The following UVSSA variants were observed in gnomAD, a reference collection of about 807,000 sequenced individuals.
UVSSA encodes the protein UV-stimulated scaffold protein A.
Under a neutral mutation model 73.9 loss-of-function variants are expected in UVSSA, and 72 were observed. The ratio of observed to expected loss-of-function variants is 0.97; its 90% CI spans 0.81 to 1.19. The LOEUF is 1.19. Among genes scored for constraint, UVSSA ranks in the 50% most tolerant of loss-of-function variants. The pLI is 0.00. For missense variants in UVSSA, 1,150 were observed against 965.0 expected, an observed-to-expected ratio of 1.19 and a Z score of -2.54; for synonymous variants, 454 against 391.3, an observed-to-expected ratio of 1.16 and a Z score of -1.89.
chr4:1,350,208 G>A (rs1714483090), intron 3 of UVSSA, among the ~76,000 whole-genome samples: 1 of 152,150 alleles, frequency 6.6e-6, no homozygotes. Flanking sequence ...CCTGGACTCT[G>A]GGACCTGTCC....
exon 14 of UVSSA, chr4:1,394,645 G>A (rs1181189228): frequency 6.6e-7 from 1 of 1,509,712 alleles, no homozygotes; most frequent in African/African-American, 1.5e-5. Flanking sequence ...GTGCCCGCCT[G>A]CTCACACATG....
At chr4:1,380,365 A>T (rs949130043) in intron 11 of UVSSA, 135 bp downstream of exon 11, 1 of 1,203,992 alleles carries the variant, frequency 8.3e-7, no homozygotes, top group African/African-American at 1.5e-5. Flanking sequence ...GAAGGGGCTT[A>T]TCCGTGGTGG....
At chr4:1,345,905 G>A (rs933229961), upstream of UVSSA, among the ~76,000 whole-genome samples, 7 of 152,176 alleles carry the variant, frequency 4.6e-5, no homozygotes, top group Non-Finnish European at 7.3e-5. Context: ...AAGACAGAGG[G>A]AAACTGCTGG....
chr4:1,344,719 G>C (rs544609002), upstream of UVSSA, among the ~76,000 whole-genome samples: 1 of 152,176 alleles, frequency 6.6e-6, no homozygotes, highest in African/African-American at 2.4e-5. Context: ...AGAAAAAAGC[G>C]AATCACCTAG....
At chr4:1,372,957 T>G (rs562922603) in intron 8 of UVSSA, among the ~76,000 whole-genome samples, 276 of 151,666 alleles carry the variant, frequency 1.8e-3, no homozygotes, top group Non-Finnish European at 3.4e-3. Flanking sequence ...GGCTTTTCTT[T>G]GTGACTACTG....
At chr4:1,351,460 A>G (rs991337543) in intron 3 of UVSSA, among the ~76,000 whole-genome samples, 8 of 147,168 alleles carry the variant, frequency 5.4e-5, no homozygotes, top group Non-Finnish European at 1.5e-5. Flanking sequence ...ATCTTGGCTC[A>G]CTGCAAGCTC....
chr4:1,385,222 C>T (rs1404918887), intron 13 of UVSSA: 1 of 153,684 alleles, frequency 6.5e-6, no homozygotes, highest in African/African-American at 2.4e-5. Flanking sequence ...TGACCACAGG[C>T]AAAACCCTGC....
chr4:1,362,228 C>T (rs1420968525), intron 7 of UVSSA, among the ~76,000 whole-genome samples: 2 of 152,214 alleles, frequency 1.3e-5, no homozygotes, highest in African/African-American at 2.4e-5. Flanking sequence ...TGCTCCTGCC[C>T]GCCTCCCCGC....
chr4:1,355,730 T>C (rs1310103812), intron 7 of UVSSA, among the ~76,000 whole-genome samples: 1 of 151,888 alleles, frequency 6.6e-6, no homozygotes, highest in African/African-American at 2.4e-5. Context: ...GGGAGGGTCA[T>C]GGGGGCACTG....
Position 1,380,910 on chromosome 4 carries a change from G to A in UVSSA, c.1783G>A (p.Asp595Asn). 1 of 1,613,082 alleles carries A rather than the reference G, an allele frequency of 6.2e-7. No individual in the cohort carries two copies. Among genetic ancestry groups the A allele is most frequent in the Non-Finnish European group, 8.5e-7 (1 of 1,179,974 alleles). Residue 595 changes from aspartate (D) to asparagine (N), a missense_variant, in exon 12 of 14, where the codon GAC becomes AAC. Asp to Asn is a conservative substitution (Grantham distance 23). Transcript: ENST00000389851. ...TTTCCATGGGAAGATTGTTCCACGG[G>A]ACGACGAAGGACGGCCGCTCGACCC... ...CPFHGKIVPRDDEGRPLDPED... is the reference protein window; with the variant it reads ...CPFHGKIVPRNDEGRPLDPED...
chr4:1,385,567 G>A, intron 13 of UVSSA: 1 of 427,972 alleles, frequency 2.3e-6, no homozygotes, highest in South Asian at 2.5e-5. Context: ...ATCCTGGAGT[G>A]CGGGAGGCCA....
At chr4:1,344,437 G>T (rs534246290), upstream of UVSSA, among the ~76,000 whole-genome samples, 2 of 152,120 alleles carry the variant, frequency 1.3e-5, no homozygotes, top group South Asian at 4.2e-4. Context: ...TGTAATCCCA[G>T]CTATTTGGGA....
At chr4:1,342,943 T>G (rs943934657), upstream of UVSSA, among the ~76,000 whole-genome samples, 1 of 152,126 alleles carries the variant, frequency 6.6e-6, no homozygotes, top group African/African-American at 2.4e-5. Flanking sequence ...TTCTGCTTTT[T>G]CAGAATGGTC....
chr4:1,375,423 A>G lies in UVSSA; in HGVS notation c.1348A>G (p.Met450Val), dbSNP rs371991080. The G allele has an allele frequency of 1.5e-5, 24 of 1,613,302 alleles. No homozygotes were observed. The highest frequency in any genetic ancestry group is 8.3e-5 in the Admixed American group (5 of 60,000). Residue 450 changes from methionine (M) to valine (V), a missense_variant, in exon 9 of 14, where the codon ATG becomes GTG. Coordinates refer to ENST00000389851, the MANE Select transcript of UVSSA (RefSeq NM_020894.4). ...GCGGTGCTTGCGGACGAGGACGAGG[A>G]TGGACGAGGAGGTGTCGGACCCCAC... Reference protein sequence around the residue: ...VVRCLRTRTRMDEEVSDPTSA... With the variant: ...VVRCLRTRTRVDEEVSDPTSA...
At chr4:1,385,684 T>C in intron 13 of UVSSA, 184 bp from the exon 14 acceptor site, 1 of 628,028 alleles carries the variant, frequency 1.6e-6, no homozygotes. Flanking sequence ...CCTGTCTGTC[T>C]CGGGCCAGGG....
Position 1,383,807 on chromosome 4 carries a change from A to G in UVSSA, c.1903A>G (p.Thr635Ala). 7 of 1,613,716 alleles carry G rather than the reference A, an allele frequency of 4.3e-6. No homozygotes were observed. Among genetic ancestry groups the G allele is most frequent in the Non-Finnish European group, 5.1e-6 (6 of 1,180,010 alleles). ...GTTGATGAGAGACGTGGAAGCAGCCACAGGGCAGGATCTCGGCTCATCCAG... is the reference window on the plus strand; with the variant it reads ...GTTGATGAGAGACGTGGAAGCAGCCGCAGGGCAGGATCTCGGCTCATCCAG... ...PELMRDVEAA[T>A]GQDLGSSRYS... Residue 635 changes from threonine (T) to alanine (A), a missense_variant, in exon 13 of 14, where the codon ACA becomes GCA. By Grantham distance (58) the Thr-to-Ala change is moderately conservative (BLOSUM62 0). Coordinates refer to ENST00000389851, the MANE Select transcript of UVSSA (RefSeq NM_020894.4).
intron 7 of UVSSA, among the ~76,000 whole-genome samples, chr4:1,357,668 CCT>C (rs557720761): frequency 4.9e-4 from 75 of 152,312 alleles, no homozygotes; most frequent in African/African-American, 1.8e-3. Flanking sequence ...GCAGACTCCC[CCT>C]GTGTGCCAGG....
At chr4:1,392,862 T>A (rs1720438961), downstream of UVSSA, 1 of 152,240 alleles carries the variant, frequency 6.6e-6, no homozygotes, top group Admixed American at 6.5e-5. Flanking sequence ...TTTGTCAGCT[T>A]CATGTTCAGC....
At position 1,380,987 on chromosome 4, in the gene UVSSA, G is replaced by C. The variant is rs754778780; in HGVS notation, c.1860G>C (p.Pro620=). ...QRRQLQKQER[P]EWQDPELMRD... is the part of the protein sequence containing the mutation. ...GGCAGCTGCAGAAGCAGGAGCGCCCGGGTAGGTCTGGGCAAGGCGGTCACC... is the reference window on the plus strand; with the variant it reads ...GGCAGCTGCAGAAGCAGGAGCGCCCCGGTAGGTCTGGGCAAGGCGGTCACC... The change falls in exon 12 of 14, where the codon CCG becomes CCC. Residue 620 remains proline (P), a splice_region_variant and synonymous_variant. Transcript: ENST00000389851. 1.8e-5 allele frequency: 29 copies of C among 1,611,488 alleles called. No individual in the cohort carries two copies. The highest frequency in any genetic ancestry group is 1.7e-6 in the Non-Finnish European group (2 of 1,179,602).
Sources: allele counts gnomAD v4.1 joint callset (sites outside exome capture counted in the v4.1 genomes callset), GRCh38; gene constraint gnomAD v4.1.1; transcripts MANE v1.5; gene names NCBI Gene and HGNC (gene_info 2026-07-23, HGNC 2026-07-21).